The following INTS8 variants were observed in gnomAD, a reference collection of about 807,000 sequenced individuals.
INTS8 encodes protein kaonashi-1.
INTS8 carries 47 observed loss-of-function variants against 138.9 expected under a neutral mutation model. The ratio of observed to expected loss-of-function variants is 0.34; its 90% CI spans 0.27 to 0.43. INTS8 has a LOEUF of 0.43. Ranked by LOEUF, INTS8 falls within the 20% of genes least tolerant of loss-of-function variation. The pLI is 1.00. For missense variants in INTS8, 996 were observed against 1,173.0 expected (o/e 0.85, Z 2.20); for synonymous variants, 392 against 400.9 (o/e 0.98, Z 0.27).
chr8:94,869,726 T>A (rs760881938), intron 20 of INTS8, among the ~76,000 whole-genome samples: 3 of 151,912 alleles, frequency 2.0e-5, no homozygotes, highest in Admixed American at 1.3e-4. Context: ...CTCCTGACCT[T>A]GTGATCTGCC....
intron 16 of INTS8, among the ~76,000 whole-genome samples, chr8:94,862,675 A>C (rs573992598): frequency 1.3e-5 from 2 of 152,202 alleles, no homozygotes; most frequent in Admixed American, 1.3e-4. Flanking sequence ...ATGTCTCTTC[A>C]TATGTCATCT....
intron 16 of INTS8, among the ~76,000 whole-genome samples, chr8:94,860,605 C>T (rs1217004525): frequency 7.3e-6 from 1 of 136,454 alleles, no homozygotes; most frequent in Non-Finnish European, 1.6e-5. Flanking sequence ...AAAAAAAAAA[C>T]CCAAAAAACA....
chr8:94,870,167 T>G (rs570682723), intron 20 of INTS8, among the ~76,000 whole-genome samples: 1 of 152,184 alleles, frequency 6.6e-6, no homozygotes, highest in Non-Finnish European at 1.5e-5. Context: ...TTCTCCTGCC[T>G]CAGCCTCCCA....
chr8:94,833,363 C>T (rs1814798172), intron 6 of INTS8, among the ~76,000 whole-genome samples: 1 of 151,196 alleles, frequency 6.6e-6, no homozygotes, highest in African/African-American at 2.4e-5. Context: ...CTTGGTAACC[C>T]TTTTTGTAAA....
rs1814354060 is a variant in INTS8 at position 94,823,406 on chromosome 8, C to T, written c.-26C>T. 1 of 1,518,892 alleles carries T rather than the reference C, an allele frequency of 6.6e-7. No homozygotes were observed. Among genetic ancestry groups the T allele is most frequent in the South Asian group, 1.3e-5 (1 of 79,340 alleles). 94.1% of individuals were successfully genotyped at this position (1,518,892 alleles called of 1,614,324 possible). ...GTCAGGTTGGAGCCGGGAAGCGGCC[C>T]TGGTGGTAGCGGCGGCGGGGGCAGG... On this transcript the variant is annotated 5_prime_UTR_variant, in exon 1 of 27. Transcript: ENST00000523731.
intron 8 of INTS8, among the ~76,000 whole-genome samples, 197 bp from the exon 9 acceptor site, chr8:94,841,294 C>T (rs1476850076): frequency 6.6e-6 from 1 of 152,026 alleles, no homozygotes; most frequent in African/African-American, 2.4e-5. Flanking sequence ...CTGTGATCTT[C>T]AGTTTTAAAA....
chr8:94,865,862 CT>C (rs1343747462), intron 17 of INTS8, among the ~76,000 whole-genome samples, 172 bp downstream of exon 17: 1 of 152,160 alleles, frequency 6.6e-6, no homozygotes, highest in Non-Finnish European at 1.5e-5. Context: ...ACCTGTCTGC[CT>C]TGGCCACCTT....
At chr8:94,862,259 T>C (rs923640100) in intron 16 of INTS8, among the ~76,000 whole-genome samples, 1 of 152,198 alleles carries the variant, frequency 6.6e-6, no homozygotes, top group Non-Finnish European at 1.5e-5. Flanking sequence ...TTTCTATCTC[T>C]TTAGTGAACT....
chr8:94,844,428 G>C lies in INTS8; in HGVS notation c.1260+1940G>C, dbSNP rs143077548. On this transcript the variant is annotated intron_variant, in intron 10 of 26. Transcript: ENST00000523731. ...ACCTCCCAGTTTCAAGTGATTCTCC[G>C]GCCTCAGCCTCCGGAGTAGCTGGGA... 4.2e-3 allele frequency among the ~76,000 whole-genome samples: 636 copies of C among 151,648 alleles called. 2 individuals are homozygous for C. Among genetic ancestry groups the C allele is most frequent in the African/African-American group, 0.014 (584 of 41,310 alleles).
chr8:94,825,360 A>G (rs1384190428), intron 2 of INTS8, among the ~76,000 whole-genome samples: 1 of 151,118 alleles, frequency 6.6e-6, no homozygotes. Context: ...TGAACCCGGG[A>G]GGCTGAGGTT....
At position 94,880,253 on chromosome 8, in the gene INTS8, C is replaced by A; in HGVS notation, c.*19C>A. 1.4e-6 allele frequency: 2 copies of A among 1,398,182 alleles called. No individual in the cohort carries two copies. The highest frequency in any genetic ancestry group is 2.0e-6 in the Non-Finnish European group (2 of 1,001,216). 86.6% of individuals were successfully genotyped at this position (1,398,182 alleles called of 1,614,324 possible). A position where few individuals can be genotyped will look rare whatever the true frequency, so the allele number is the denominator to read the frequency against. On this transcript the variant is annotated 3_prime_UTR_variant, in exon 27 of 27. Coordinates refer to ENST00000523731, the MANE Select transcript of INTS8 (RefSeq NM_017864.4). ...CTTTTAAGCAGTTAAATTTTTTTAA[C>A]TTTTATTTTTTAAACAATGGGCTAA...
intron 8 of INTS8, among the ~76,000 whole-genome samples, chr8:94,838,967 T>G (rs966841718): frequency 2.0e-5 from 3 of 152,204 alleles, no homozygotes; most frequent in Non-Finnish European, 4.4e-5. Flanking sequence ...CTTTTAGTTG[T>G]GTGTGTGTGC....
intron 20 of INTS8, among the ~76,000 whole-genome samples, chr8:94,870,708 C>G (rs564099546): frequency 6.6e-6 from 1 of 152,086 alleles, no homozygotes; most frequent in Non-Finnish European, 1.5e-5. Flanking sequence ...ATTCATTTTC[C>G]ACTGTACTGG....
rs201252065 is a variant in INTS8, at chr8:94,832,133, A to G, written c.712A>G (p.Thr238Ala). The G allele has an allele frequency of 3.7e-6, 6 of 1,613,332 alleles. No individual in the cohort carries two copies. The African/African-American group carries it at 6.7e-5, about 18-fold the overall frequency. ...GMVNGETESSTAGLKVKTEEM... is the reference protein window; with the variant it reads ...GMVNGETESSAAGLKVKTEEM... Reference sequence around the variant, plus strand: ...GGTAAATGGAGAAACTGAGAGTTCTACTGCTGGATTGAAAGTCAAAACCGA... The same window carrying G: ...GGTAAATGGAGAAACTGAGAGTTCTGCTGCTGGATTGAAAGTCAAAACCGA... Residue 238 changes from threonine to alanine, a missense_variant, in exon 6 of 27, where the codon ACT (threonine) becomes GCT (alanine). Coordinates refer to ENST00000523731, the MANE Select transcript of INTS8 (RefSeq NM_017864.4).
chr8:94,824,784 T>C (rs1043607596), intron 1 of INTS8, 109 bp from the exon 2 acceptor site: 2,418 of 61,638 alleles, frequency 0.039, no homozygotes, highest in South Asian at 0.066. Context: ...AAACCCAAAC[T>C]CCCCCCCCCC....
intron 5 of INTS8, among the ~76,000 whole-genome samples, chr8:94,831,469 G>A (rs1814709834): frequency 7.2e-6 from 1 of 139,708 alleles, no homozygotes; most frequent in Non-Finnish European, 1.5e-5. Flanking sequence ...CCTGTTTTTT[G>A]TATTGTCTTT....
At chr8:94,837,725 A>G (rs1473254085) in intron 7 of INTS8, among the ~76,000 whole-genome samples, 1 of 152,140 alleles carries the variant, frequency 6.6e-6, no homozygotes, top group Non-Finnish European at 1.5e-5. Flanking sequence ...GTCTTGTCAT[A>G]CATACTTGGT....
chr8:94,831,482 C>CTTTT (rs11482467), intron 5 of INTS8, among the ~76,000 whole-genome samples: 3 of 121,584 alleles, frequency 2.5e-5, no homozygotes, highest in East Asian at 2.4e-4. Context: ...TTGTCTTTTT[C>CTTTT]TTTTTTTTTT....
In INTS8 at chr8:94,842,611, G is replaced by A. The variant is rs2131016853; in HGVS notation, c.1260+123G>A. 3 of 715,446 alleles carry A rather than the reference G, an allele frequency of 4.2e-6. No homozygotes were observed. The East Asian group carries it at 8.1e-5, about 19-fold the overall frequency. The allele number at this position is 715,446 out of a possible 1,614,324, so 44.3% of individuals were successfully genotyped here. A position where few individuals can be genotyped will look rare whatever the true frequency, so the allele number is the denominator to read the frequency against. On this transcript the variant is annotated intron_variant, in intron 10 of 26. Transcript: ENST00000523731. ...CCTTGCGTTTCTGTGCCTGACAATT[G>A]GCACTTTTGACAGACTATGCCCTTC...
Sources: gnomAD v4.1 joint callset for allele counts (sites outside exome capture counted in the v4.1 genomes callset) on GRCh38, gnomAD v4.1.1 for gene constraint, MANE v1.5 for transcripts, NCBI Gene and HGNC (gene_info 2026-07-23, HGNC 2026-07-21) for gene names.